DAB1: variants seen among roughly 807,000 people sequenced by gnomAD.
The protein encoded by DAB1 is DAB adaptor protein 1, also known as disabled homolog 1.
DAB1 carries 15 observed loss-of-function variants against 64.6 expected under a neutral mutation model. The observed-to-expected ratio is 0.23, with a 90% CI of 0.16 to 0.36. The LOEUF is 0.36. DAB1 is among the 10% of genes least tolerant of loss of function. The pLI is 1.00. For synonymous variants in DAB1, 235 were observed against 251.9 expected, an observed-to-expected ratio of 0.93 and a Z score of 0.64; for missense variants, 596 against 706.7, an observed-to-expected ratio of 0.84 and a Z score of 1.78.
intron 4 of DAB1, among the ~76,000 whole-genome samples, chr1:58,327,615 T>C (rs576554065): frequency 6.6e-6 from 1 of 152,276 alleles, no homozygotes; most frequent in South Asian, 2.1e-4. Flanking sequence ...ATGCGAATAG[T>C]ACTGCTTCAC....
chr1:58,048,402 A>C, intron 5 of DAB1: 1 of 935,274 alleles, frequency 1.1e-6, no homozygotes, highest in Non-Finnish European at 1.8e-6. Flanking sequence ...CCACTGCCAA[A>C]GCTACCTCCA....
At chr1:58,292,375 A>C (rs896132140) in intron 4 of DAB1, among the ~76,000 whole-genome samples, 2 of 152,208 alleles carry the variant, frequency 1.3e-5, no homozygotes, top group African/African-American at 4.8e-5. Flanking sequence ...GTATCATCAA[A>C]ACTGTTAAAA....
intron 6 of DAB1, among the ~76,000 whole-genome samples, chr1:57,673,193 A>C (rs1406052399): frequency 6.6e-6 from 1 of 152,120 alleles, no homozygotes. Flanking sequence ...ACATGACAGA[A>C]GGGGCATGGG....
chr1:58,459,197 C>A lies in DAB1; in HGVS notation n.257+46863G>T, dbSNP rs146507636. On this transcript the variant is annotated intron_variant and non_coding_transcript_variant, in intron 3 of 20. Coordinates refer to the DAB1 transcript ENST00000485760. Reference sequence around the variant, plus strand: ...AGTGGGCTCAGGATTTTGAGCATTGCGTTATCTACTGCAATGTTACAAAAT... The same window carrying A: ...AGTGGGCTCAGGATTTTGAGCATTGAGTTATCTACTGCAATGTTACAAAAT... 2.0e-5 allele frequency among the ~76,000 whole-genome samples: 3 copies of A among 152,318 alleles called. No individual in the cohort carries two copies. The East Asian group carries it at 5.8e-4, about 29-fold the overall frequency.
intron 5 of DAB1, among the ~76,000 whole-genome samples, chr1:57,899,111 C>CT (rs1644436859): frequency 6.6e-6 from 1 of 151,872 alleles, no homozygotes. Context: ...GAAAATTCAA[C>CT]TTTTTCAAAA....
intron 1 of DAB1, among the ~76,000 whole-genome samples, chr1:57,411,892 A>G (rs1246683186): frequency 6.6e-6 from 1 of 152,190 alleles, no homozygotes; most frequent in East Asian, 1.9e-4. Context: ...CTTTTATTGT[A>G]CTTCGCCTTA....
intron 2 of DAB1, among the ~76,000 whole-genome samples, chr1:57,244,076 CCAAAA>C (rs1668691284): frequency 6.6e-6 from 1 of 151,988 alleles, no homozygotes; most frequent in Non-Finnish European, 1.5e-5. Context: ...TTTTTATTTC[CCAAAA>C]CCTATATATT....
intron 5 of DAB1, among the ~76,000 whole-genome samples, chr1:58,067,668 C>T (rs2100563427): frequency 6.6e-6 from 1 of 152,274 alleles, no homozygotes; most frequent in Non-Finnish European, 1.5e-5. Context: ...TAAAAAAGTA[C>T]AGGAGATACA....
At chr1:57,795,670 A>G (rs116177106) in intron 6 of DAB1, among the ~76,000 whole-genome samples, 1,842 of 132,596 alleles carry the variant, frequency 0.014, 51 homozygotes, top group African/African-American at 0.05. Context: ...AAATATAACC[A>G]TCCATGAATT....
At chr1:57,396,529 C>G (rs1682822815) in intron 1 of DAB1, among the ~76,000 whole-genome samples, 1 of 152,130 alleles carries the variant, frequency 6.6e-6, no homozygotes, top group South Asian at 2.1e-4. Context: ...GTGGATTGTT[C>G]TTTGACTTTA....
intron 3 of DAB1, among the ~76,000 whole-genome samples, chr1:57,141,650 G>A (rs1318375033): frequency 1.3e-5 from 2 of 152,114 alleles, no homozygotes; most frequent in East Asian, 1.9e-4. Flanking sequence ...TCAGGACTCT[G>A]ACTGACATAC....
intron 7 of DAB1, among the ~76,000 whole-genome samples, chr1:57,535,000 G>A (rs994546590): frequency 1.3e-5 from 2 of 152,078 alleles, no homozygotes; most frequent in Non-Finnish European, 2.9e-5. Context: ...TTCTCTGCCT[G>A]AAATGCTCAT....
intron 6 of DAB1, among the ~76,000 whole-genome samples, chr1:57,683,589 C>T (rs1490480209): frequency 6.6e-6 from 1 of 152,160 alleles, no homozygotes; most frequent in Non-Finnish European, 1.5e-5. Flanking sequence ...TTGTACAGAG[C>T]CTTTGCCCTC....
chr1:58,136,622 A>C (rs1653960384), intron 5 of DAB1, among the ~76,000 whole-genome samples: 1 of 152,244 alleles, frequency 6.6e-6, no homozygotes, highest in African/African-American at 2.4e-5. Context: ...AAGCAAGTAA[A>C]ACCCAGAGGC....
chr1:58,241,578 GA>G (rs35943840), intron 4 of DAB1, among the ~76,000 whole-genome samples: 6 of 151,532 alleles, frequency 4.0e-5, no homozygotes, highest in Non-Finnish European at 5.9e-5. Context: ...GTAGATGAAA[GA>G]AAAAAATGAC....
chr1:58,493,668 T>C (rs1371541312), intron 3 of DAB1, among the ~76,000 whole-genome samples: 4 of 151,600 alleles, frequency 2.6e-5, no homozygotes, highest in South Asian at 4.2e-4. Context: ...CCATTCACAA[T>C]TGCTTCAAAG....
intron 3 of DAB1, among the ~76,000 whole-genome samples, chr1:57,142,549 G>A (rs1473922763): frequency 6.6e-6 from 1 of 151,260 alleles, no homozygotes; most frequent in African/African-American, 2.4e-5. Flanking sequence ...TCAGGGCTTT[G>A]GGGACCTCAT....
intron 7 of DAB1, among the ~76,000 whole-genome samples, chr1:57,545,815 G>C (rs529652657): frequency 6.6e-6 from 1 of 152,304 alleles, no homozygotes; most frequent in African/African-American, 2.4e-5. Context: ...ACTCCTGGAA[G>C]ACAGGTGCTC....
At chr1:58,525,036 G>A (rs1372536966) in intron 2 of DAB1, among the ~76,000 whole-genome samples, 1 of 152,154 alleles carries the variant, frequency 6.6e-6, no homozygotes, top group African/African-American at 2.4e-5. Context: ...ATGCAGTTAT[G>A]ATTTAATACT....
Sources: gnomAD v4.1 joint callset for allele counts (sites outside exome capture counted in the v4.1 genomes callset) on GRCh38, gnomAD v4.1.1 for gene constraint, MANE v1.5 for transcripts, NCBI Gene and HGNC (gene_info 2026-07-23, HGNC 2026-07-21) for gene names.